The following DLGAP1 variants were observed in gnomAD, a reference collection of about 807,000 sequenced individuals.
DLGAP1 encodes DLG associated protein 1.
DLGAP1 carries 11 observed loss-of-function variants against 90.8 expected under a neutral mutation model. The observed-to-expected ratio is 0.12, with a 90% CI of 0.08 to 0.20. DLGAP1 has a LOEUF of 0.20. DLGAP1 is among the 10% of genes least tolerant of loss of function. DLGAP1 has a pLI of 1.00. For synonymous variants in DLGAP1, 558 were observed against 540.7 expected (o/e 1.03, Z -0.44); for missense variants, 1,050 against 1,333.8 (o/e 0.79, Z 3.31).
intron 4 of DLGAP1, among the ~76,000 whole-genome samples, chr18:3,850,425 A>C (rs1431549260): frequency 6.6e-6 from 1 of 152,088 alleles, no homozygotes; most frequent in African/African-American, 2.4e-5. Context: ...TGTCGATTTA[A>C]AATATTATAA....
At chr18:3,913,460 T>TTAAAC (rs2072077568) in intron 3 of DLGAP1, among the ~76,000 whole-genome samples, 1 of 152,230 alleles carries the variant, frequency 6.6e-6, no homozygotes, top group African/African-American at 2.4e-5. Context: ...AATATTTCTA[T>TTAAAC]TAAACATAGC....
At chr18:4,184,397 C>T (rs2077257540) in intron 1 of DLGAP1, among the ~76,000 whole-genome samples, 1 of 152,088 alleles carries the variant, frequency 6.6e-6, no homozygotes, top group African/African-American at 2.4e-5. Context: ...GCTAATGCTG[C>T]ATTAAAATAC....
chr18:3,987,535 T>C (rs1164217392), intron 3 of DLGAP1, among the ~76,000 whole-genome samples: 6 of 152,212 alleles, frequency 3.9e-5, no homozygotes, highest in Non-Finnish European at 5.9e-5. Context: ...GTGCTTTGCG[T>C]ATTCGAACTC....
In DLGAP1 at chr18:3,533,814, A is replaced by G. The variant is rs190657444; in HGVS notation, c.2479+380T>C. Among the ~76,000 whole-genome samples, 8 of 152,320 alleles carry G rather than the reference A, an allele frequency of 5.3e-5. No homozygotes were observed. In the East Asian group the frequency reaches 1.5e-3, roughly 29 times the overall value. Reference sequence around the variant, plus strand: ...TAGTAGATGTATATATTCATAGGATACATGAGATGTTTTGATTAGAATTAT... The same window carrying G: ...TAGTAGATGTATATATTCATAGGATGCATGAGATGTTTTGATTAGAATTAT... On this transcript the variant is annotated intron_variant, in intron 10 of 12. Transcript: ENST00000315677.
At chr18:3,777,881 G>A (rs2148087098) in intron 5 of DLGAP1, among the ~76,000 whole-genome samples, 1 of 152,280 alleles carries the variant, frequency 6.6e-6, no homozygotes, top group East Asian at 1.9e-4. Context: ...TAGATCTAAA[G>A]TCAGAGTCCT....
chr18:4,157,745 T>C (rs2076780831), intron 1 of DLGAP1, among the ~76,000 whole-genome samples: 3 of 152,160 alleles, frequency 2.0e-5, no homozygotes, highest in African/African-American at 4.8e-5. Flanking sequence ...TGGTGAATTC[T>C]GGGGGATGCA....
chr18:3,755,433 G>A (rs892366416), intron 5 of DLGAP1, among the ~76,000 whole-genome samples: 3 of 151,766 alleles, frequency 2.0e-5, no homozygotes, highest in African/African-American at 7.3e-5. Context: ...AAAGCAAAAG[G>A]CTTGCAAAAA....
intron 1 of DLGAP1, among the ~76,000 whole-genome samples, chr18:4,338,287 C>T (rs775933926): frequency 3.9e-5 from 6 of 152,104 alleles, no homozygotes; most frequent in Non-Finnish European, 5.9e-5. Flanking sequence ...TGTAAAATCC[C>T]TAAAAGTAGA....
At position 3,581,855 on chromosome 18, in the gene DLGAP1, A is replaced by AT. The variant is rs755249265; in HGVS notation, c.1965+19dup. ...TAGTTTTAAGTTCCTATTTCAAAGG[A>AT]TAGAAAGGGAGGCTGTTACCTGTAT... On this transcript the variant is annotated intron_variant, in intron 8 of 12. Coordinates refer to ENST00000315677, the MANE Select transcript of DLGAP1 (RefSeq NM_004746.4). The AT allele has an allele frequency of 1.1e-5, 17 of 1,611,076 alleles. No individual in the cohort carries two copies. The African/African-American group carries it at 2.0e-4, about 19-fold the overall frequency.
intron 7 of DLGAP1, among the ~76,000 whole-genome samples, chr18:3,720,389 T>C (rs2061929829): frequency 6.6e-6 from 1 of 152,252 alleles, no homozygotes; most frequent in Non-Finnish European, 1.5e-5. Flanking sequence ...CATTGATTTG[T>C]CATTAAAATA....
chr18:4,213,726 T>C (rs1295647566), intron 1 of DLGAP1, among the ~76,000 whole-genome samples: 2 of 152,196 alleles, frequency 1.3e-5, no homozygotes, highest in African/African-American at 2.4e-5. Flanking sequence ...ACCTCCCCCA[T>C]ATCTCAAGGA....
chr18:3,625,561 C>G (rs1269992991), intron 7 of DLGAP1, among the ~76,000 whole-genome samples: 2 of 152,064 alleles, frequency 1.3e-5, no homozygotes, highest in Admixed American at 6.5e-5. Context: ...GCAGTTAAAC[C>G]CAAAGCATGC....
At chr18:3,956,410 C>T (rs1307475045) in intron 3 of DLGAP1, among the ~76,000 whole-genome samples, 3 of 150,450 alleles carry the variant, frequency 2.0e-5, no homozygotes, top group African/African-American at 4.9e-5. Flanking sequence ...AGTGCAGTGG[C>T]GTGATCTGGC....
chr18:3,849,847 C>T (rs2069233763), intron 4 of DLGAP1, among the ~76,000 whole-genome samples: 1 of 152,132 alleles, frequency 6.6e-6, no homozygotes. Flanking sequence ...GAATGAATGA[C>T]AGAGCTCTTA....
At chr18:4,272,908 A>G (rs1050528718) in intron 1 of DLGAP1, among the ~76,000 whole-genome samples, 1 of 152,120 alleles carries the variant, frequency 6.6e-6, no homozygotes, top group Non-Finnish European at 1.5e-5. Context: ...CACAGAGAAA[A>G]CCTTGTGAAG....
chr18:3,790,862 G>C (rs942637357), intron 5 of DLGAP1, among the ~76,000 whole-genome samples: 1 of 152,164 alleles, frequency 6.6e-6, no homozygotes, highest in Non-Finnish European at 1.5e-5. Flanking sequence ...TCACAAGGGG[G>C]TTGGTAGATT....
intron 1 of DLGAP1, among the ~76,000 whole-genome samples, chr18:4,310,558 C>T (rs1208342592): frequency 6.6e-6 from 1 of 152,142 alleles, no homozygotes; most frequent in African/African-American, 2.4e-5. Flanking sequence ...TTCCTACAAC[C>T]TTGAACACAT....
At chr18:3,678,088 A>G (rs1252863776) in intron 7 of DLGAP1, among the ~76,000 whole-genome samples, 1 of 149,934 alleles carries the variant, frequency 6.7e-6, no homozygotes, top group Non-Finnish European at 1.5e-5. Flanking sequence ...CAGCCTCCCG[A>G]GTAGCTGGGA....
At chr18:3,646,556 C>T (rs935947996) in intron 7 of DLGAP1, among the ~76,000 whole-genome samples, 2 of 152,148 alleles carry the variant, frequency 1.3e-5, no homozygotes, top group African/African-American at 4.8e-5. Context: ...CATTAGATTA[C>T]ATGTAATAAA....
Sources: gnomAD v4.1 joint callset for allele counts (sites outside exome capture counted in the v4.1 genomes callset) on GRCh38, gnomAD v4.1.1 for gene constraint, MANE v1.5 for transcripts, NCBI Gene and HGNC (gene_info 2026-07-23, HGNC 2026-07-21) for gene names.